The following SATB1 variants were observed in gnomAD, a reference collection of about 807,000 sequenced individuals.
SATB1 encodes SATB homeobox 1.
A neutral mutation model predicts 86.9 loss-of-function variants in SATB1; 11 were observed. The ratio of observed to expected loss-of-function variants is 0.13; its 90% CI spans 0.08 to 0.21. The LOEUF (loss-of-function observed/expected upper bound fraction) is 0.21, where lower values mean the gene tolerates loss of function less well. Ranked by LOEUF, SATB1 falls within the 10% of genes least tolerant of loss-of-function variation. SATB1 has a pLI of 1.00. For synonymous variants in SATB1, 357 were observed against 357.2 expected (o/e 1.00, Z 0.01); for missense variants, 551 against 937.6 (o/e 0.59, Z 5.39).
rs971543492 is a variant in SATB1, at chr3:18,424,876, CTGT to C, written c.-1277_-1275del. On this transcript the variant is annotated 5_prime_UTR_variant, in exon 1 of 11. Coordinates refer to ENST00000338745, the MANE Select transcript of SATB1 (RefSeq NM_002971.6). ...CGGGCAGGATAGAGGGCGGCCGCGGCTGTTGTTGTTGTGACGAGGCCGGGTGTT... is the reference window on the plus strand; with the variant it reads ...CGGGCAGGATAGAGGGCGGCCGCGGCTGTTGTTGTGACGAGGCCGGGTGTT... 19 of 153,866 alleles carry C rather than the reference CTGT, an allele frequency of 1.2e-4. No individual in the cohort carries two copies. The highest frequency in any genetic ancestry group is 1.9e-4 in the East Asian group (1 of 5,204). The allele number at this position is 153,866 out of a possible 1,614,324, so 9.5% of individuals were successfully genotyped here.
At chr3:18,391,597 C>A (rs1426835307) in intron 7 of SATB1, among the ~76,000 whole-genome samples, 1 of 139,316 alleles carries the variant, frequency 7.2e-6, no homozygotes, top group Non-Finnish European at 1.5e-5. Context: ...TCTCATTGTT[C>A]AATTCCCACC....
chr3:18,417,145 C>G, intron 2 of SATB1, 67 bp from the exon 3 acceptor site: 1 of 1,502,656 alleles, frequency 6.7e-7, no homozygotes. Context: ...TTGGGGGTGG[C>G]GGGAGGAAAT....
At chr3:18,383,774 A>G (rs1052665102) in intron 8 of SATB1, among the ~76,000 whole-genome samples, 4 of 152,152 alleles carry the variant, frequency 2.6e-5, no homozygotes, top group African/African-American at 9.7e-5. Context: ...AGTGCTCTAT[A>G]ACGTGTTTTT....
upstream of SATB1, among the ~76,000 whole-genome samples, chr3:18,425,964 A>G (rs759572227): frequency 5.9e-5 from 9 of 152,038 alleles, no homozygotes; most frequent in Non-Finnish European, 1.3e-4. Context: ...GGAGCGTCGC[A>G]GAGGGACAGG....
At position 18,418,028 on chromosome 3, in the gene SATB1, C is replaced by T. The variant is rs187237913; in HGVS notation, c.212-950G>A. 7.2e-5 allele frequency among the ~76,000 whole-genome samples: 11 copies of T among 152,254 alleles called. No homozygotes were observed. In the South Asian group the frequency reaches 1.7e-3, roughly 23 times the overall value. On this transcript the variant is annotated intron_variant, in intron 2 of 10. Coordinates refer to ENST00000338745, the MANE Select transcript of SATB1 (RefSeq NM_002971.6). Reference sequence around the variant, plus strand: ...TGTGGTACTCAAGGTGTTTATGCAGCGCACTGTCAGACTTCCAATGATAAC... The same window carrying T: ...TGTGGTACTCAAGGTGTTTATGCAGTGCACTGTCAGACTTCCAATGATAAC...
chr3:18,375,811 C>T (rs1695717190), intron 9 of SATB1, among the ~76,000 whole-genome samples: 2 of 152,040 alleles, frequency 1.3e-5, no homozygotes, highest in African/African-American at 4.8e-5. Context: ...TTAAACTGAA[C>T]AACTAAGTCA....
At chr3:18,365,992 A>G (rs1464314458) in intron 9 of SATB1, among the ~76,000 whole-genome samples, 4 of 152,222 alleles carry the variant, frequency 2.6e-5, no homozygotes, top group Admixed American at 1.3e-4. Flanking sequence ...TTGTGAATGT[A>G]TATTTTATTT....
chr3:18,427,881 T>G (rs1575180780), upstream of SATB1, among the ~76,000 whole-genome samples: 3 of 152,156 alleles, frequency 2.0e-5, no homozygotes, highest in African/African-American at 7.2e-5. Context: ...ATTCCAGAAC[T>G]ATAAGAAATG....
intron 10 of SATB1, chr3:18,351,451 T>C: frequency 7.0e-7 from 1 of 1,425,070 alleles, no homozygotes; most frequent in Non-Finnish European, 9.5e-7. Context: ...CTAACCTACA[T>C]TCTGTAAAGT....
Position 18,349,065 on chromosome 3 carries a change from G to C in SATB1, c.*105C>G. On this transcript the variant is annotated 3_prime_UTR_variant, in exon 11 of 11. Transcript: ENST00000338745. The surrounding 1 kb of genome is among the most constrained non-coding windows in gnomAD (Gnocchi z 5.5). ...TTGTGCAAGTTTTTGAAGATTCATT[G>C]GCCAAACAATGAACAACAAAGGTTT... is the stretch of plus-strand genomic sequence containing the variant. 6.7e-7 allele frequency: 1 copy of C among 1,496,594 alleles called. No homozygotes were observed. Among genetic ancestry groups the C allele is most frequent in the Non-Finnish European group, 8.9e-7 (1 of 1,125,546 alleles). The allele number at this position is 1,496,594 out of a possible 1,614,324, so 92.7% of individuals were successfully genotyped here. A position where few individuals can be genotyped will look rare whatever the true frequency, so the allele number is the denominator to read the frequency against.
chr3:18,385,439 G>A (rs1293591676), intron 8 of SATB1, among the ~76,000 whole-genome samples: 3 of 151,930 alleles, frequency 2.0e-5, no homozygotes, highest in Non-Finnish European at 4.4e-5. Context: ...TGACTAACAC[G>A]GTGAAACCCC....
Position 18,394,953 on chromosome 3 carries a change from C to T in SATB1, c.752-37G>A. ...AAAGAGTAAAATCACATTCAGCCAA[C>T]AATGATTGGCATTGATAAAGATTTC... is the stretch of plus-strand genomic sequence containing the variant. On this transcript the variant is annotated intron_variant, in intron 6 of 10. Coordinates refer to ENST00000338745, the MANE Select transcript of SATB1 (RefSeq NM_002971.6). The surrounding 1 kb of genome is among the most constrained non-coding windows in gnomAD (Gnocchi z 5.9). The T allele has an allele frequency of 7.0e-7, 1 of 1,422,550 alleles. No homozygotes were observed. 88.1% of individuals were successfully genotyped at this position (1,422,550 alleles called of 1,614,324 possible).
chr3:18,433,267 C>CT (rs1341545228), intron 2 of SATB1, among the ~76,000 whole-genome samples: 34 of 152,218 alleles, frequency 2.2e-4, no homozygotes, highest in African/African-American at 7.9e-4. Flanking sequence ...TTACACAGTA[C>CT]TTTGAGTGTC....
At chr3:18,370,372 G>A (rs558486921) in intron 9 of SATB1, among the ~76,000 whole-genome samples, 2 of 151,742 alleles carry the variant, frequency 1.3e-5, no homozygotes, top group South Asian at 4.2e-4. Flanking sequence ...CTTTCCCTCT[G>A]TTAAATCAGA....
intron 1 of SATB1, chr3:18,445,288 A>AGCCGCCGCC (rs1553629859): frequency 5.1e-6 from 5 of 982,136 alleles, no homozygotes; most frequent in East Asian, 2.4e-4. Context: ...GCCGAGCCCG[A>AGCCGCCGCC]GCCGCCGCCG....
At chr3:18,381,866 C>T (rs1696081841) in intron 8 of SATB1, among the ~76,000 whole-genome samples, 1 of 152,072 alleles carries the variant, frequency 6.6e-6, no homozygotes, top group African/African-American at 2.4e-5. Context: ...TTAACACTGT[C>T]TTTAGCACCA....
At position 18,386,600 on chromosome 3, in the gene SATB1, T is replaced by C; in HGVS notation, c.1218A>G (p.Ser406=). Residue 406 remains serine (S), a synonymous_variant, in exon 8 of 11, where the codon TCA becomes TCG. Coordinates refer to ENST00000338745, the MANE Select transcript of SATB1 (RefSeq NM_002971.6). This position sits in a 1 kb window ranked among gnomAD's most constrained non-coding sequence, Gnocchi z 4.5. ...VAFNRTQGLL[S]EILRKEEDPK... ...GGTCCTCTTCCTTTCGGAGGATTTC[T>C]GAAAGCAAGCCCTGCAAGAAATGAA... 1 of 1,614,028 alleles carries C rather than the reference T, an allele frequency of 6.2e-7. No individual in the cohort carries two copies. Among genetic ancestry groups the C allele is most frequent in the Non-Finnish European group, 8.5e-7 (1 of 1,179,922 alleles).
rs1401440703 is a variant in SATB1 at position 18,346,244 on chromosome 3, T to G, written c.*2926A>C. On this transcript the variant is annotated 3_prime_UTR_variant, in exon 11 of 11. Coordinates refer to ENST00000338745, the MANE Select transcript of SATB1 (RefSeq NM_002971.6). Reference sequence around the variant, plus strand: ...TATGGCCACAGAGTGTAATACAAATTAGTGGCAAAGTGCTGAGTGAAGGGA... The same window carrying G: ...TATGGCCACAGAGTGTAATACAAATGAGTGGCAAAGTGCTGAGTGAAGGGA... 1 of 152,100 alleles carries G rather than the reference T, an allele frequency of 6.6e-6. No individual in the cohort carries two copies. Among genetic ancestry groups the G allele is most frequent in the African/African-American group, 2.4e-5 (1 of 41,446 alleles). 9.4% of individuals were successfully genotyped at this position (152,100 alleles called of 1,614,324 possible).
rs2125129239 is a variant in SATB1 at position 18,352,352 on chromosome 3, G to A, written c.1576-157C>T. 2 of 617,182 alleles carry A rather than the reference G, an allele frequency of 3.2e-6. No homozygotes were observed. The highest frequency in any genetic ancestry group is 4.2e-5 in the South Asian group (2 of 47,748). 38.2% of individuals were successfully genotyped at this position (617,182 alleles called of 1,614,324 possible). A position where few individuals can be genotyped will look rare whatever the true frequency, so the allele number is the denominator to read the frequency against. On this transcript the variant is annotated intron_variant, in intron 9 of 10. Coordinates refer to ENST00000338745, the MANE Select transcript of SATB1 (RefSeq NM_002971.6). The surrounding 1 kb of genome is among the most constrained non-coding windows in gnomAD (Gnocchi z 4.1). ...AATTGTTTTTAACTTGTTAAGAGAG[G>A]TTATCTGTGGCTGTCAAGGAGGCAG...
Sources: allele counts gnomAD v4.1 joint callset (sites outside exome capture counted in the v4.1 genomes callset), GRCh38; gene constraint gnomAD v4.1.1; non-coding constraint Gnocchi (gnomAD v3.1); transcripts MANE v1.5; gene names NCBI Gene and HGNC (gene_info 2026-07-23, HGNC 2026-07-21).